The following SEC24A variants were observed in gnomAD, a reference collection of about 807,000 sequenced individuals.
The protein encoded by SEC24A is protein transport protein Sec24A.
A neutral mutation model predicts 129.4 loss-of-function variants in SEC24A; 93 were observed. The observed-to-expected ratio is 0.72, with a 90% CI of 0.61 to 0.85. The LOEUF (loss-of-function observed/expected upper bound fraction) is 0.85, where lower values mean the gene tolerates loss of function less well. SEC24A is among the 40% of genes least tolerant of loss of function. The pLI is 0.00. For missense variants in SEC24A, 1,264 were observed against 1,307.4 expected, an observed-to-expected ratio of 0.97 and a Z score of 0.51; for synonymous variants, 460 against 467.3, an observed-to-expected ratio of 0.98 and a Z score of 0.20.
chr5:134,710,688 ATTAT>A (rs1752301488), intron 18 of SEC24A, among the ~76,000 whole-genome samples: 1 of 151,936 alleles, frequency 6.6e-6, no homozygotes, highest in South Asian at 2.1e-4. Flanking sequence ...TTTGCTACTT[ATTAT>A]TTATATGTCT....
Position 134,648,802 on chromosome 5 carries a change from C to A in SEC24A, c.-275C>A, listed in dbSNP as rs1561795672. The A allele has an allele frequency of 3.4e-6, 1 of 297,454 alleles. No homozygotes were observed. Among genetic ancestry groups the A allele is most frequent in the African/African-American group, 2.2e-5 (1 of 45,794 alleles). 18.4% of individuals were successfully genotyped at this position (297,454 alleles called of 1,614,324 possible). A position where few individuals can be genotyped will look rare whatever the true frequency, so the allele number is the denominator to read the frequency against. ...TGACAGGCACTTCCGGCCAGGGCCTCCCTCCTTCTCTCTAGGTTTGGCTGC... is the reference window on the plus strand; with the variant it reads ...TGACAGGCACTTCCGGCCAGGGCCTACCTCCTTCTCTCTAGGTTTGGCTGC... On this transcript the variant is annotated 5_prime_UTR_variant, in exon 1 of 23. Coordinates refer to ENST00000398844, the MANE Select transcript of SEC24A (RefSeq NM_021982.3).
chr5:134,649,184 T>A lies in SEC24A; in HGVS notation c.97+11T>A. On this transcript the variant is annotated intron_variant, in intron 1 of 22. Transcript: ENST00000398844. ...CTCCCTACACCAACGGTGAGTGCTG[T>A]CCGGGGGGAGGGCGCAGCCTGGCCA... 1 of 1,587,132 alleles carries A rather than the reference T, an allele frequency of 6.3e-7. No individual in the cohort carries two copies. The highest frequency in any genetic ancestry group is 8.6e-7 in the Non-Finnish European group (1 of 1,163,772).
chr5:134,700,457 C>G (rs1407121117), intron 15 of SEC24A, among the ~76,000 whole-genome samples: 1 of 151,702 alleles, frequency 6.6e-6, no homozygotes, highest in African/African-American at 2.4e-5. Context: ...TGGACTTAAG[C>G]AATCCTACAC....
chr5:134,669,899 G>A (rs1750799044), intron 3 of SEC24A, among the ~76,000 whole-genome samples: 1 of 152,000 alleles, frequency 6.6e-6, no homozygotes, highest in Non-Finnish European at 1.5e-5. Context: ...CACCACACCT[G>A]GCTAATATTT....
intron 17 of SEC24A, among the ~76,000 whole-genome samples, chr5:134,705,974 A>G (rs562263413): frequency 6.1e-5 from 9 of 146,862 alleles, no homozygotes; most frequent in South Asian, 4.2e-4. Flanking sequence ...CACAACCTCT[A>G]TCTCCTGGGT....
chr5:134,711,947 C>T (rs981820701), intron 18 of SEC24A, among the ~76,000 whole-genome samples: 1 of 152,058 alleles, frequency 6.6e-6, no homozygotes, highest in Non-Finnish European at 1.5e-5. Context: ...CGGGGTTTCA[C>T]GGTGTTAGCC....
intron 7 of SEC24A, among the ~76,000 whole-genome samples, chr5:134,677,944 A>G (rs1751126371): frequency 1.3e-5 from 2 of 152,166 alleles, no homozygotes; most frequent in Admixed American, 6.6e-5. Flanking sequence ...CACCTGTCTC[A>G]GGGTTTCTGG....
At chr5:134,691,006 AT>A (rs1251764049) in intron 11 of SEC24A, among the ~76,000 whole-genome samples, 2 of 150,952 alleles carry the variant, frequency 1.3e-5, no homozygotes, top group Admixed American at 1.3e-4. Context: ...ATGTGCCATT[AT>A]GCCTAGCTAA....
chr5:134,723,636 C>A lies in SEC24A; in HGVS notation c.3133C>A (p.Gln1045Lys). The change falls in exon 22 of 23, where the codon CAG becomes AAG. Residue 1045 changes from glutamine (Q) to lysine (K), a missense_variant. Coordinates refer to ENST00000398844, the MANE Select transcript of SEC24A (RefSeq NM_021982.3). ...IIAFISWLRE[Q>K]RPFFPILYVI... The stretch of plus-strand genomic sequence containing the variant: ...AGCTTTCATCTCTTGGCTTAGAGAG[C>A]AGAGACCATTTTTCCCAATACTTTA... 6.2e-7 allele frequency: 1 copy of A among 1,610,698 alleles called. No individual in the cohort carries two copies. The highest frequency in any genetic ancestry group is 8.5e-7 in the Non-Finnish European group (1 of 1,177,084).
chr5:134,651,778 G>C (rs1411433695), intron 1 of SEC24A, among the ~76,000 whole-genome samples: 1 of 151,560 alleles, frequency 6.6e-6, no homozygotes, highest in Non-Finnish European at 1.5e-5. Flanking sequence ...TTGTTTTATT[G>C]TTCATCCTGC....
At chr5:134,655,053 C>A (rs1750193109) in intron 1 of SEC24A, among the ~76,000 whole-genome samples, 1 of 152,050 alleles carries the variant, frequency 6.6e-6, no homozygotes. Context: ...TTTGGCCAGG[C>A]TGGTCTCAAA....
intron 7 of SEC24A, among the ~76,000 whole-genome samples, chr5:134,677,249 G>T (rs1167118621): frequency 6.6e-6 from 1 of 152,044 alleles, no homozygotes; most frequent in Middle Eastern, 3.2e-3. Flanking sequence ...GGTTGAGGCT[G>T]CAGTGAGACA....
intron 21 of SEC24A, among the ~76,000 whole-genome samples, 188 bp from the exon 22 acceptor site, chr5:134,723,379 C>T (rs1752675398): frequency 6.6e-6 from 1 of 151,874 alleles, no homozygotes; most frequent in African/African-American, 2.4e-5. Flanking sequence ...GTGGGAGGAT[C>T]ACCGGAGCCT....
At position 134,726,920 on chromosome 5, in the gene SEC24A, T is replaced by C. The variant is rs1008043128; in HGVS notation, c.*1826T>C. 6.6e-6 allele frequency: 1 copy of C among 152,180 alleles called. No homozygotes were observed. Among genetic ancestry groups the C allele is most frequent in the Non-Finnish European group, 1.5e-5 (1 of 67,982 alleles). 9.4% of individuals were successfully genotyped at this position (152,180 alleles called of 1,614,324 possible). On this transcript the variant is annotated 3_prime_UTR_variant, in exon 23 of 23. Coordinates refer to ENST00000398844, the MANE Select transcript of SEC24A (RefSeq NM_021982.3). ...ATCCCTAAGTGGGTATGACTCTTGT[T>C]ATTACCACATGCTTTTTTAGTATAT...
At chr5:134,710,576 A>G (rs112688221) in intron 18 of SEC24A, among the ~76,000 whole-genome samples, 2 of 152,212 alleles carry the variant, frequency 1.3e-5, no homozygotes, top group African/African-American at 4.8e-5. Context: ...GTATACTTGC[A>G]TACCTGTTTC....
rs769299005 is a variant in SEC24A at position 134,708,721 on chromosome 5, A to C, written c.2560A>C (p.Arg854=). The change falls in exon 18 of 23, where the codon AGA becomes CGA. Residue 854 remains arginine, a synonymous_variant. Coordinates refer to ENST00000398844, the MANE Select transcript of SEC24A (RefSeq NM_021982.3). ...SGLLANMAVD[R]SMTASLSDAR... is the part of the protein sequence containing the mutation. ...ACCCTCACCTTGCTTAGCTGTTGAC[A>C]GATCTATGACTGCCAGTCTGAGTGA... 1 of 1,612,060 alleles carries C rather than the reference A, an allele frequency of 6.2e-7. No homozygotes were observed. Among genetic ancestry groups the C allele is most frequent in the Non-Finnish European group, 8.5e-7 (1 of 1,179,504 alleles).
chr5:134,714,635 C>A (rs1399060136), intron 18 of SEC24A, among the ~76,000 whole-genome samples: 1 of 152,194 alleles, frequency 6.6e-6, no homozygotes, highest in Non-Finnish European at 1.5e-5. Context: ...TAATGGATAT[C>A]TTTTTGGTCC....
chr5:134,720,262 G>A (rs1752593030), intron 20 of SEC24A, among the ~76,000 whole-genome samples: 1 of 152,104 alleles, frequency 6.6e-6, no homozygotes, highest in African/African-American at 2.4e-5. Flanking sequence ...CCTTTCCTAT[G>A]TTTAGATACA....
rs1369459890 is a variant in SEC24A at position 134,726,568 on chromosome 5, G to T, written c.*1474G>T. 2 of 152,502 alleles carry T rather than the reference G, an allele frequency of 1.3e-5. No homozygotes were observed. Among genetic ancestry groups the T allele is most frequent in the Non-Finnish European group, 2.9e-5 (2 of 68,002 alleles). 9.4% of individuals were successfully genotyped at this position (152,502 alleles called of 1,614,324 possible). A position where few individuals can be genotyped will look rare whatever the true frequency, so the allele number is the denominator to read the frequency against. On this transcript the variant is annotated 3_prime_UTR_variant, in exon 23 of 23. Coordinates refer to ENST00000398844, the MANE Select transcript of SEC24A (RefSeq NM_021982.3). ...TACAGTATACAACTACTGCTTGCCA[G>T]CTGGATCAAAATAATCATGTTTTAT...
Sources: allele counts gnomAD v4.1 joint callset (sites outside exome capture counted in the v4.1 genomes callset), GRCh38; gene constraint gnomAD v4.1.1; transcripts MANE v1.5; gene names NCBI Gene and HGNC (gene_info 2026-07-23, HGNC 2026-07-21).